The following TTC29 variants were observed in gnomAD, a reference collection of about 807,000 sequenced individuals.
The protein encoded by TTC29 is tetratricopeptide repeat domain 29.
A neutral mutation model predicts 58.1 loss-of-function variants in TTC29; 49 were observed. The observed-to-expected ratio is 0.84, with a 90% confidence interval of 0.67 to 1.07. The LOEUF is 1.07. Among genes scored for constraint, TTC29 ranks in the 50% least tolerant of loss-of-function variants. The probability of loss-of-function intolerance (pLI) is 0.00; values close to 1 mark genes in which losing one functional copy is unlikely to be tolerated. For synonymous variants in TTC29, 209 were observed against 196.8 expected (o/e 1.06, Z -0.52); for missense variants, 582 against 555.6 (o/e 1.05, Z -0.48).
chr4:146,817,794 C>T (rs1751516439), intron 10 of TTC29, among the ~76,000 whole-genome samples: 1 of 152,162 alleles, frequency 6.6e-6, no homozygotes, highest in Non-Finnish European at 1.5e-5. Context: ...CTACAAGTAT[C>T]TGATCTTTGA....
chr4:146,863,165 A>G (rs1236989647), intron 8 of TTC29, among the ~76,000 whole-genome samples: 2 of 151,824 alleles, frequency 1.3e-5, no homozygotes, highest in Non-Finnish European at 2.9e-5. Context: ...ATTCCAATCC[A>G]GGTACATTTA....
At chr4:146,819,607 T>C (rs938590185) in intron 10 of TTC29, among the ~76,000 whole-genome samples, 1 of 152,196 alleles carries the variant, frequency 6.6e-6, no homozygotes, top group African/African-American at 2.4e-5. Flanking sequence ...ACTTTTTTGT[T>C]CTTCTTCCTG....
chr4:146,875,368 T>C (rs1175704244), intron 6 of TTC29, among the ~76,000 whole-genome samples: 1 of 152,218 alleles, frequency 6.6e-6, no homozygotes, highest in East Asian at 1.9e-4. Flanking sequence ...AGCCAAAATT[T>C]AGTAAGGTTA....
chr4:146,933,077 G>T (rs975144776), intron 4 of TTC29, among the ~76,000 whole-genome samples: 1 of 151,046 alleles, frequency 6.6e-6, no homozygotes, highest in Non-Finnish European at 1.5e-5. Flanking sequence ...AAAAAGATAT[G>T]AAGTAAATTG....
intron 11 of TTC29, among the ~76,000 whole-genome samples, chr4:146,732,885 C>A (rs183703082): frequency 6.6e-6 from 1 of 152,126 alleles, no homozygotes; most frequent in Non-Finnish European, 1.5e-5. Flanking sequence ...AAAGTCAAGA[C>A]CACCTGTCAT....
chr4:146,737,230 A>G (rs1435049659), intron 11 of TTC29, among the ~76,000 whole-genome samples: 2 of 152,132 alleles, frequency 1.3e-5, no homozygotes, highest in Non-Finnish European at 2.9e-5. Flanking sequence ...AGAAATGCCT[A>G]TGTGGTGCAT....
chr4:146,760,244 C>T (rs1746777851), intron 11 of TTC29, among the ~76,000 whole-genome samples: 1 of 151,944 alleles, frequency 6.6e-6, no homozygotes. Context: ...GTTGAAAGAC[C>T]TCTATGAGGA....
intron 10 of TTC29, among the ~76,000 whole-genome samples, chr4:146,806,283 G>A (rs575082558): frequency 8.7e-4 from 132 of 151,554 alleles, no homozygotes; most frequent in African/African-American, 3.1e-3. Context: ...CAAAAACACC[G>A]AATTGTAAAG....
Position 146,937,622 on chromosome 4 carries a change from T to C in TTC29, c.148A>G (p.Lys50Glu). The C allele has an allele frequency of 6.5e-7, 1 of 1,537,486 alleles. No individual in the cohort carries two copies. The highest frequency in any genetic ancestry group is 8.8e-7 in the Non-Finnish European group (1 of 1,137,874). ...DIDHYLEVNFKGLSKEEVAAY... is the reference protein window; with the variant it reads ...DIDHYLEVNFEGLSKEEVAAY... ...GCAACTTCCTCTTTTGATAATCCTTTGAAATTTACCTCTAGATAATGATCT... is the reference window on the plus strand; with the variant it reads ...GCAACTTCCTCTTTTGATAATCCTTCGAAATTTACCTCTAGATAATGATCT... Residue 50 changes from lysine to glutamate, a missense_variant, in exon 4 of 13, where the codon AAA becomes GAA. Coordinates refer to ENST00000325106, the MANE Select transcript of TTC29 (RefSeq NM_031956.4).
intron 4 of TTC29, among the ~76,000 whole-genome samples, chr4:146,930,104 T>TATATACAC (rs1735223690): frequency 7.7e-6 from 1 of 129,780 alleles, no homozygotes; most frequent in African/African-American, 3.1e-5. Flanking sequence ...TATATATATA[T>TATATACAC]ATATATATAT....
At chr4:146,777,756 T>C (rs1748218958) in intron 11 of TTC29, among the ~76,000 whole-genome samples, 1 of 152,224 alleles carries the variant, frequency 6.6e-6, no homozygotes. Flanking sequence ...GTGGGGTTTC[T>C]CTACTTTAGA....
At chr4:146,903,310 C>T (rs1252101869) in intron 6 of TTC29, among the ~76,000 whole-genome samples, 1 of 152,012 alleles carries the variant, frequency 6.6e-6, no homozygotes, top group African/African-American at 2.4e-5. Flanking sequence ...CGGGTGGGAA[C>T]TGTAGGCTGA....
At chr4:146,914,768 A>C (rs1188597361) in intron 4 of TTC29, among the ~76,000 whole-genome samples, 2 of 152,170 alleles carry the variant, frequency 1.3e-5, no homozygotes, top group Non-Finnish European at 2.9e-5. Flanking sequence ...TTATTCATTC[A>C]ATGGAGATGT....
rs1560708975 is a variant in TTC29 at position 146,909,144 on chromosome 4, C to CA, written c.281dup (p.Arg95GlufsTer21). ...GGGACCTGACTCTCGCAGCCTCCCTCAGGGCATCCCACCGCTCCATCAGAG... is the reference window on the plus strand; with the variant it reads ...GGGACCTGACTCTCGCAGCCTCCCTCAAGGGCATCCCACCGCTCCATCAGAG... On this transcript the variant is annotated frameshift_variant, in exon 5 of 13. Transcript: ENST00000325106. LOFTEE classifies it high-confidence loss of function. 6.2e-7 allele frequency: 1 copy of CA among 1,613,812 alleles called. No individual in the cohort carries two copies. Among genetic ancestry groups the CA allele is most frequent in the Admixed American group, 1.7e-5 (1 of 60,010 alleles).
chr4:146,865,797 G>A (rs1250558943), intron 8 of TTC29, among the ~76,000 whole-genome samples: 1 of 152,144 alleles, frequency 6.6e-6, no homozygotes, highest in Admixed American at 6.6e-5. Flanking sequence ...GTGATGGACA[G>A]GCCAACTAGT....
intron 11 of TTC29, among the ~76,000 whole-genome samples, chr4:146,757,660 C>T (rs578068401): frequency 1.3e-5 from 2 of 152,266 alleles, no homozygotes; most frequent in African/African-American, 4.8e-5. Flanking sequence ...GGGGCACTAT[C>T]TTCAGCCTCC....
chr4:146,923,034 C>A (rs1038655809), intron 4 of TTC29, among the ~76,000 whole-genome samples: 1 of 151,616 alleles, frequency 6.6e-6, no homozygotes, highest in Non-Finnish European at 1.5e-5. Context: ...TAAGAAATTC[C>A]CATTTCATCC....
At chr4:146,716,523 C>T (rs2149998594) in intron 11 of TTC29, among the ~76,000 whole-genome samples, 1 of 152,116 alleles carries the variant, frequency 6.6e-6, no homozygotes, top group East Asian at 1.9e-4. Context: ...TGAAACCATT[C>T]AAAATCTATG....
At position 146,885,279 on chromosome 4, in the gene TTC29, A is replaced by G. The variant is rs184046590; in HGVS notation, c.587-10351T>C. On this transcript the variant is annotated intron_variant, in intron 6 of 12. Transcript: ENST00000325106. ...ATATTTAGCAAAAATAAAATGCAAT[A>G]TAAGTTTACTTATTTTGAGGGCAAA... 9.6e-3 allele frequency among the ~76,000 whole-genome samples: 1,465 copies of G among 152,246 alleles called. 14 individuals are homozygous for G. The highest frequency in any genetic ancestry group is 0.024 in the South Asian group (115 of 4,834).
Sources: allele counts gnomAD v4.1 joint callset (sites outside exome capture counted in the v4.1 genomes callset), GRCh38; gene constraint gnomAD v4.1.1; transcripts MANE v1.5; gene names NCBI Gene and HGNC (gene_info 2026-07-23, HGNC 2026-07-21).